DOK7: variants seen among roughly 807,000 people sequenced by gnomAD.
The protein encoded by DOK7 is docking protein 7, also known as protein Dok-7.
In DOK7, 32 loss-of-function variants were observed where a neutral mutation model predicts 30.7. That is an observed-to-expected ratio of 1.04 (90% CI 0.79 to 1.40). The LOEUF is 1.40. Among genes scored for constraint, DOK7 ranks in the 40% most tolerant of loss-of-function variants. The pLI, the probability that DOK7 is intolerant of heterozygous loss-of-function variation, is 0.00. For missense variants in DOK7, 1,007 were observed against 699.2 expected (o/e 1.44, Z -4.97); for synonymous variants, 447 against 324.1 (o/e 1.38, Z -4.07).
chr4:3,468,992 ATGTG>A (rs550869612), intron 2 of DOK7, among the ~76,000 whole-genome samples: 63 of 125,196 alleles, frequency 5.0e-4, no homozygotes, highest in African/African-American at 1.6e-3. Context: ...CTGTGTATGC[ATGTG>A]TGAGTGTGCG....
intron 2 of DOK7, among the ~76,000 whole-genome samples, chr4:3,468,444 G>GTGTC (rs1406726535): frequency 1.2e-4 from 16 of 131,318 alleles, no homozygotes; most frequent in African/African-American, 9.4e-5. Flanking sequence ...ACATGTACGA[G>GTGTC]TGTGTGCCTG....
chr4:3,474,381 A>G (rs1726942595), intron 3 of DOK7, among the ~76,000 whole-genome samples: 2 of 152,148 alleles, frequency 1.3e-5, no homozygotes, highest in Admixed American at 1.3e-4. Flanking sequence ...CCCTCCCTTT[A>G]AAAACTTGCT....
At chr4:3,468,809 T>G (rs945138398) in intron 2 of DOK7, among the ~76,000 whole-genome samples, 1 of 148,400 alleles carries the variant, frequency 6.7e-6, no homozygotes, top group African/African-American at 2.5e-5. Context: ...TGTGTGTGCC[T>G]GTGTGTGTAT....
chr4:3,490,618 A>C (rs1359808805), intron 6 of DOK7, among the ~76,000 whole-genome samples: 4 of 83,864 alleles, frequency 4.8e-5, no homozygotes, highest in Middle Eastern at 0.01. Flanking sequence ...CTGCTCGTTC[A>C]TTCCTTCCCT....
At chr4:3,482,040 G>A (rs1032029459) in intron 4 of DOK7, among the ~76,000 whole-genome samples, 2 of 152,004 alleles carry the variant, frequency 1.3e-5, no homozygotes, top group Non-Finnish European at 1.5e-5. Flanking sequence ...GCTTCTCTGC[G>A]TCTTCCATGC....
chr4:3,485,527 CT>C lies in DOK7; in HGVS notation c.533-10del. On this transcript the variant is annotated splice_polypyrimidine_tract_variant and intron_variant, in intron 4 of 6. Transcript: ENST00000340083. ...CGGGCCAGACTGACCTGTCTCTGTC[CT>C]TCCTCTGCAGGGGCTGGCGTCTTCT... is the stretch of plus-strand genomic sequence containing the variant. 6.3e-7 allele frequency: 1 copy of C among 1,593,838 alleles called. No homozygotes were observed. Among genetic ancestry groups the C allele is most frequent in the Non-Finnish European group, 8.6e-7 (1 of 1,168,226 alleles).
Position 3,473,466 on chromosome 4 carries a change from G to A in DOK7, c.161G>A (p.Arg54His), listed in dbSNP as rs201818140. 258 of 1,611,080 alleles carry A rather than the reference G, an allele frequency of 1.6e-4. No individual in the cohort carries two copies. In the African/African-American group the frequency reaches 3.0e-3, roughly 18 times the overall value. ...GAGCGTATCAAGGGCCTGCGGGAGCGCAGCAGCCTGACGCTAGAGGACATC... is the reference window on the plus strand; with the variant it reads ...GAGCGTATCAAGGGCCTGCGGGAGCACAGCAGCCTGACGCTAGAGGACATC... ...KSERIKGLRE[R>H]SSLTLEDICG... Residue 54 changes from arginine to histidine, a missense_variant, in exon 3 of 7, where the codon CGC (arginine) becomes CAC (histidine). By Grantham distance (29) the Arg-to-His change is conservative. Coordinates refer to ENST00000340083, the MANE Select transcript of DOK7 (RefSeq NM_173660.5).
Position 3,490,835 on chromosome 4 carries a change from TTCATTCCTTCCTTCCCCCCCAC to T in DOK7, c.772+1045_772+1066del, listed in dbSNP as rs1211954787. Among the ~76,000 whole-genome samples, 4 of 67,722 alleles carry T rather than the reference TTCATTCCTTCCTTCCCCCCCAC, an allele frequency of 5.9e-5. No individual in the cohort carries two copies. The Admixed American group carries it at 6.2e-4, about 10-fold the overall frequency. The allele number at this position is 67,722 out of a possible 152,430, so 44.4% of individuals were successfully genotyped here. A position where few individuals can be genotyped will look rare whatever the true frequency, so the allele number is the denominator to read the frequency against. ...CTCATTCATTCCTGCCTTCCCCCCA[TTCATTCCTTCCTTCCCCCCCAC>T]TCATTTCATTCCTTCATTACCCTCC... is the stretch of plus-strand genomic sequence containing the variant. On this transcript the variant is annotated intron_variant, in intron 6 of 6. Coordinates refer to ENST00000340083, the MANE Select transcript of DOK7 (RefSeq NM_173660.5).
At chr4:3,489,844 A>C (rs763534661) in intron 6 of DOK7, 48 bp downstream of exon 6, 3 of 1,553,716 alleles carry the variant, frequency 1.9e-6, no homozygotes, top group South Asian at 2.4e-5. Flanking sequence ...CTAAGCCTCC[A>C]GCAGGAGAGC....
intron 6 of DOK7, among the ~76,000 whole-genome samples, chr4:3,490,018 G>GCTCATTCATTCCTTC (rs1728106562): frequency 1.0e-5 from 1 of 95,318 alleles, no homozygotes; most frequent in Non-Finnish European, 2.2e-5. Context: ...TTCTCCTCCT[G>GCTCATTCATTCCTTC]CTCATTCATT....
intron 6 of DOK7, among the ~76,000 whole-genome samples, chr4:3,490,685 C>CTTCCTTCCCCGCA (rs1288070092): frequency 2.7e-5 from 1 of 37,380 alleles, no homozygotes; most frequent in Admixed American, 3.6e-4. Context: ...CCCCGCATTC[C>CTTCCTTCCCCGCA]TTCCTTCCTT....
intron 4 of DOK7, among the ~76,000 whole-genome samples, chr4:3,479,102 C>G (rs1400037492): frequency 6.6e-6 from 1 of 152,232 alleles, no homozygotes; most frequent in African/African-American, 2.4e-5. Flanking sequence ...TCAAGGGGTC[C>G]TCAGGGTTGG....
In DOK7 at chr4:3,493,842, G is replaced by C; in HGVS notation, c.*341G>C. 1 of 1,188,618 alleles carries C rather than the reference G, an allele frequency of 8.4e-7. No individual in the cohort carries two copies. The allele number at this position is 1,188,618 out of a possible 1,614,324, so 73.6% of individuals were successfully genotyped here. A position where few individuals can be genotyped will look rare whatever the true frequency, so the allele number is the denominator to read the frequency against. Reference sequence around the variant, plus strand: ...GCCTTGCACTGGGGTGCCAAGGGCTGGAGGCCCTGCCGCTGGCCTTGTCCT... The same window carrying C: ...GCCTTGCACTGGGGTGCCAAGGGCTCGAGGCCCTGCCGCTGGCCTTGTCCT... On this transcript the variant is annotated 3_prime_UTR_variant, in exon 7 of 7. Transcript: ENST00000340083.
In DOK7 at chr4:3,493,387, T is replaced by C. The variant is rs764419050; in HGVS notation, c.1401T>C (p.Pro467=). 5 of 1,594,782 alleles carry C rather than the reference T, an allele frequency of 3.1e-6. No individual in the cohort carries two copies. Among genetic ancestry groups the C allele is most frequent in the East Asian group, 4.5e-5 (2 of 44,152 alleles). The change falls in exon 7 of 7, where the codon CCT becomes CCC. Residue 467 remains proline (P), a synonymous_variant. Transcript: ENST00000340083. ...CCCAGGGCAGCGAGGCCACACTGCC[T>C]GGCCCTGCCCCTGGCGAGCCCTGGG... ...EAPQGSEATL[P]GPAPGEPWEA...
intron 6 of DOK7, among the ~76,000 whole-genome samples, chr4:3,492,433 G>A (rs73793943): frequency 6.7e-6 from 1 of 149,348 alleles, no homozygotes; most frequent in Non-Finnish European, 1.5e-5. Flanking sequence ...GGAGCGTGGG[G>A]TGTTAGGCAG....
chr4:3,463,450 C>CGGGGGGGGGGGCGCGGGGGGGGG, intron 1 of DOK7, 21 bp downstream of exon 1: 1 of 1,229,784 alleles, frequency 8.1e-7, no homozygotes. Flanking sequence ...GTCGGGGGCG[C>CGGGGGGGGGGGCGCGGGGGGGGG]GGGGGGGGGG....
chr4:3,465,779 CGT>C lies in DOK7; in HGVS notation c.100+2229_100+2230del, dbSNP rs1726229339. ...ACCACGTTCCTCAATGTCTCCACCG[CGT>C]CCTCACTGCGGAATGCGTGTCTGCG... On this transcript the variant is annotated intron_variant, in intron 2 of 6. Coordinates refer to ENST00000340083, the MANE Select transcript of DOK7 (RefSeq NM_173660.5). 6.6e-5 allele frequency among the ~76,000 whole-genome samples: 10 copies of C among 152,312 alleles called. No individual in the cohort carries two copies. In the South Asian group the frequency reaches 2.1e-3, roughly 32 times the overall value.
intron 3 of DOK7, among the ~76,000 whole-genome samples, chr4:3,474,258 A>G (rs1241341151): frequency 6.6e-6 from 1 of 152,160 alleles, no homozygotes; most frequent in Admixed American, 6.5e-5. Context: ...GCATCTCCTA[A>G]GAAACCAAAA....
intron 6 of DOK7, 147 bp downstream of exon 6, chr4:3,489,943 C>CCAA: frequency 7.7e-7 from 1 of 1,300,348 alleles, no homozygotes. Flanking sequence ...CATTCTTCCC[C>CCAA]CAACTCCCCG....
Sources: gnomAD v4.1 joint callset for allele counts (sites outside exome capture counted in the v4.1 genomes callset) on GRCh38, gnomAD v4.1.1 for gene constraint, MANE v1.5 for transcripts, NCBI Gene and HGNC (gene_info 2026-07-23, HGNC 2026-07-21) for gene names.